The following GRK5 variants were observed in gnomAD, a reference collection of about 807,000 sequenced individuals.
GRK5 encodes the protein g protein-coupled receptor kinase GRK5.
GRK5 carries 40 observed loss-of-function variants against 78.4 expected under a neutral mutation model. That is an observed-to-expected ratio of 0.51 (90% CI 0.40 to 0.66). GRK5 has a LOEUF of 0.66. GRK5 is among the 30% of genes least tolerant of loss of function. The pLI is 0.00. For synonymous variants in GRK5, 289 were observed against 296.8 expected (o/e 0.97, Z 0.27); for missense variants, 598 against 759.9 (o/e 0.79, Z 2.50).
chr10:119,219,533 T>G (rs919273053), intron 1 of GRK5, among the ~76,000 whole-genome samples: 9 of 152,178 alleles, frequency 5.9e-5, no homozygotes, highest in African/African-American at 2.2e-4. Context: ...TGTTATGTGA[T>G]GGTGAAGAAG....
chr10:119,370,151 G>C (rs1433751606), intron 2 of GRK5, among the ~76,000 whole-genome samples: 1 of 152,138 alleles, frequency 6.6e-6, no homozygotes, highest in South Asian at 2.1e-4. Flanking sequence ...TCATCAGAGA[G>C]GCAGGGGCCC....
At chr10:119,318,453 A>T (rs1850528542) in intron 1 of GRK5, among the ~76,000 whole-genome samples, 1 of 152,182 alleles carries the variant, frequency 6.6e-6, no homozygotes, top group Non-Finnish European at 1.5e-5. Context: ...CCTCCCAAGG[A>T]TGGTATGTGA....
intron 1 of GRK5, among the ~76,000 whole-genome samples, chr10:119,257,254 G>T (rs1215781544): frequency 6.6e-6 from 1 of 152,132 alleles, no homozygotes; most frequent in African/African-American, 2.4e-5. Context: ...CCACCTGTAG[G>T]CTGGGTATTT....
chr10:119,292,374 T>C (rs1849998226), intron 1 of GRK5, among the ~76,000 whole-genome samples: 1 of 152,046 alleles, frequency 6.6e-6, no homozygotes, highest in Admixed American at 6.6e-5. Flanking sequence ...AAACACATGG[T>C]GCCTCGGCTT....
Position 119,379,785 on chromosome 10 carries a change from C to A in GRK5, c.149-1030C>A, listed in dbSNP as rs538367707. On this transcript the variant is annotated intron_variant, in intron 2 of 15. Coordinates refer to ENST00000392870, the MANE Select transcript of GRK5 (RefSeq NM_005308.3). The surrounding 1 kb of genome is among the most constrained non-coding windows in gnomAD (Gnocchi z 4.1). ...GCTTTAGCATCACTGCAGGAAGAAC[C>A]AAAAGGGAAAGGGCCCCCATCCCAA... Among the ~76,000 whole-genome samples, 33 of 152,252 alleles carry A rather than the reference C, an allele frequency of 2.2e-4. 1 individual carries two copies. The highest frequency in any genetic ancestry group is 2.1e-3 in the Admixed American group (32 of 15,292).
At chr10:119,410,947 T>C (rs1852327005) in intron 4 of GRK5, among the ~76,000 whole-genome samples, 1 of 151,056 alleles carries the variant, frequency 6.6e-6, no homozygotes, top group South Asian at 2.2e-4. Context: ...CCTGCAGTCC[T>C]TGCTGACCTT....
chr10:119,406,702 G>A (rs947609944), intron 4 of GRK5, among the ~76,000 whole-genome samples: 1 of 152,246 alleles, frequency 6.6e-6, no homozygotes, highest in Non-Finnish European at 1.5e-5. Flanking sequence ...CCAGCTTCCT[G>A]TCACAGCCTT....
chr10:119,315,839 G>A (rs529799276), intron 1 of GRK5, among the ~76,000 whole-genome samples: 3 of 152,266 alleles, frequency 2.0e-5, no homozygotes, highest in South Asian at 4.1e-4. Flanking sequence ...ATTCAGTTGC[G>A]TTGAGAGCAG....
At chr10:119,423,801 G>GCA (rs34038078) in intron 5 of GRK5, among the ~76,000 whole-genome samples, 3,021 of 151,210 alleles carry the variant, frequency 0.02, 100 homozygotes, top group African/African-American at 0.069. Context: ...ACACACGCAA[G>GCA]CACACACACA....
intron 1 of GRK5, among the ~76,000 whole-genome samples, chr10:119,257,932 A>T (rs961748139): frequency 6.6e-6 from 1 of 151,848 alleles, no homozygotes; most frequent in Non-Finnish European, 1.5e-5. Context: ...ATTCTCTTTT[A>T]TTTTTTTCCC....
rs1284488929 is a variant in GRK5, at chr10:119,455,540, A to C, written c.*473A>C. 1 of 130,842 alleles carries C rather than the reference A, an allele frequency of 7.6e-6. No homozygotes were observed. Among genetic ancestry groups the C allele is most frequent in the Non-Finnish European group, 1.7e-5 (1 of 57,738 alleles). The allele number at this position is 130,842 out of a possible 1,614,324, so 8.1% of individuals were successfully genotyped here. A position where few individuals can be genotyped will look rare whatever the true frequency, so the allele number is the denominator to read the frequency against. The stretch of plus-strand genomic sequence containing the variant: ...GCATTTTAGCGGGGAGGGGGTTATC[A>C]AAAAAAAAAAAATGTGACTCAAGAC... On this transcript the variant is annotated 3_prime_UTR_variant, in exon 16 of 16. Coordinates refer to ENST00000392870, the MANE Select transcript of GRK5 (RefSeq NM_005308.3).
chr10:119,248,406 C>T (rs1293963795), intron 1 of GRK5, among the ~76,000 whole-genome samples: 2 of 152,204 alleles, frequency 1.3e-5, no homozygotes, highest in African/African-American at 4.8e-5. Context: ...AGTTCCTTCA[C>T]ACTGGCCCAT....
intron 10 of GRK5, 39 bp from the exon 11 acceptor site, chr10:119,441,960 G>A (rs1482167107): frequency 1.9e-6 from 3 of 1,555,996 alleles, no homozygotes; most frequent in Admixed American, 3.3e-5. Flanking sequence ...TGCCCATGCG[G>A]CTGTCCCAGG....
chr10:119,383,210 C>T (rs1042578563), intron 3 of GRK5, among the ~76,000 whole-genome samples: 7 of 152,206 alleles, frequency 4.6e-5, no homozygotes, highest in East Asian at 3.8e-4. Context: ...CGTGAGCCAC[C>T]GCGCCTGGCC....
chr10:119,305,933 G>T (rs1021961060), intron 1 of GRK5, among the ~76,000 whole-genome samples: 14 of 152,180 alleles, frequency 9.2e-5, no homozygotes, highest in African/African-American at 3.4e-4. Flanking sequence ...ATAACTCCCA[G>T]TGAGGAAGCA....
chr10:119,256,072 C>G (rs188064329), intron 1 of GRK5, among the ~76,000 whole-genome samples: 20 of 152,262 alleles, frequency 1.3e-4, no homozygotes, highest in African/African-American at 4.8e-4. Flanking sequence ...GTTTGAAACC[C>G]TTTGCAAATA....
At chr10:119,405,091 A>G (rs976057010) in intron 4 of GRK5, among the ~76,000 whole-genome samples, 2 of 152,188 alleles carry the variant, frequency 1.3e-5, no homozygotes, top group Non-Finnish European at 2.9e-5. Context: ...GGGGGGTGCC[A>G]GTTTTGATGT....
chr10:119,319,481 G>A (rs1015988951), intron 1 of GRK5, among the ~76,000 whole-genome samples: 2 of 152,204 alleles, frequency 1.3e-5, no homozygotes, highest in African/African-American at 2.4e-5. Context: ...CTTGCCTGGC[G>A]GGGCAACCCT....
intron 1 of GRK5, among the ~76,000 whole-genome samples, chr10:119,313,563 G>T (rs759066368): frequency 2.6e-5 from 4 of 152,130 alleles, no homozygotes; most frequent in Non-Finnish European, 5.9e-5. Context: ...AGTGACACCC[G>T]CTTACATTGC....
Sources: allele counts gnomAD v4.1 joint callset (sites outside exome capture counted in the v4.1 genomes callset), GRCh38; gene constraint gnomAD v4.1.1; non-coding constraint Gnocchi (gnomAD v3.1); transcripts MANE v1.5; gene names NCBI Gene and HGNC (gene_info 2026-07-23, HGNC 2026-07-21).